RUNX1T1: variants seen among roughly 807,000 people sequenced by gnomAD.
RUNX1T1 encodes protein CBFA2T1.
In RUNX1T1, 4 loss-of-function variants were observed where a neutral mutation model predicts 62.8. The observed-to-expected ratio is 0.06, with a 90% CI of 0.03 to 0.15. The LOEUF (loss-of-function observed/expected upper bound fraction) is 0.15. Ranked by LOEUF, RUNX1T1 falls within the 10% of genes least tolerant of loss-of-function variation. The pLI is 1.00. For synonymous variants in RUNX1T1, 291 were observed against 286.0 expected, an observed-to-expected ratio of 1.02 and a Z score of -0.18; for missense variants, 508 against 754.3, an observed-to-expected ratio of 0.67 and a Z score of 3.82.
intron 1 of RUNX1T1, among the ~76,000 whole-genome samples, chr8:92,097,185 G>A (rs2130944640): frequency 6.6e-6 from 1 of 152,290 alleles, no homozygotes; most frequent in East Asian, 1.9e-4. Flanking sequence ...TGGTATCACT[G>A]AGACGAGAAC....
Position 92,034,817 on chromosome 8 carries a change from C to CATATATATAT in RUNX1T1, c.8-17455_8-17454insATATATATAT, listed in dbSNP as rs1563811300. On this transcript the variant is annotated intron_variant, in intron 1 of 10. Transcript: ENST00000396218. ...ATATATACACACACACACACACACACACACACACACACACACACACCATGG... is the reference window on the plus strand; with the variant it reads ...ATATATACACACACACACACACACACATATATATATACACACACACACACACACACCATGG... 1.4e-4 allele frequency among the ~76,000 whole-genome samples: 16 copies of CATATATATAT among 110,840 alleles called. 1 individual carries two copies. Among genetic ancestry groups the CATATATATAT allele is most frequent in the African/African-American group, 5.8e-4 (15 of 25,676 alleles). 72.7% of individuals were successfully genotyped at this position (110,840 alleles called of 152,430 possible).
At chr8:91,970,970 G>T in intron 9 of RUNX1T1, 122 bp from the exon 11 acceptor site, 1 of 733,364 alleles carries the variant, frequency 1.4e-6, no homozygotes, top group Non-Finnish European at 2.0e-6. Context: ...GAACCCCTGG[G>T]CTCAAGTTAT....
At chr8:92,085,757 A>C (rs1040695801) in intron 1 of RUNX1T1, among the ~76,000 whole-genome samples, 1 of 152,226 alleles carries the variant, frequency 6.6e-6, no homozygotes, top group East Asian at 1.9e-4. Context: ...ATATCCTAAA[A>C]GTCCTCACCC....
upstream of RUNX1T1, chr8:92,063,390 C>T (rs1248910683): frequency 6.6e-6 from 1 of 152,158 alleles, no homozygotes; most frequent in Non-Finnish European, 1.5e-5. Context: ...CATAGAGATC[C>T]ATGGGAGATA....
intron 8 of RUNX1T1, among the ~76,000 whole-genome samples, chr8:91,982,098 T>C (rs543931566): frequency 1.3e-5 from 2 of 151,480 alleles, no homozygotes; most frequent in African/African-American, 4.8e-5. Flanking sequence ...TACAAAAAAA[T>C]TAGCTGGGTG....
chr8:92,004,946 A>C (rs371419926), intron 5 of RUNX1T1, 170 bp downstream of exon 6: 1 of 593,500 alleles, frequency 1.7e-6, no homozygotes, highest in African/African-American at 1.9e-5. Context: ...GAGATTCAAA[A>C]CTCTGTAAAA....
At chr8:92,036,698 C>T (rs1827479632) in intron 1 of RUNX1T1, among the ~76,000 whole-genome samples, 3 of 152,166 alleles carry the variant, frequency 2.0e-5, no homozygotes, top group Admixed American at 2.0e-4. Context: ...AGAACAATAA[C>T]TTACTTGTAC....
At chr8:91,958,896 C>T (rs376611012), downstream of RUNX1T1, 8 of 194,694 alleles carry the variant, frequency 4.1e-5, no homozygotes, top group Non-Finnish European at 7.4e-5. Flanking sequence ...ATAGCAGCTC[C>T]GAAAGATAGC....
At chr8:92,089,122 G>A (rs1157775865) in intron 1 of RUNX1T1, among the ~76,000 whole-genome samples, 1 of 152,104 alleles carries the variant, frequency 6.6e-6, no homozygotes, top group Non-Finnish European at 1.5e-5. Context: ...AGCTTCCACT[G>A]TCATTTTGGA....
upstream of RUNX1T1, chr8:92,102,812 A>G: frequency 6.7e-7 from 1 of 1,486,168 alleles, no homozygotes. The surrounding 1 kb of genome is among the most constrained non-coding windows in gnomAD (Gnocchi z 4.5). Context: ...CAGGGGCCCG[A>G]CCCCGCCGCC....
At chr8:91,979,805 T>C in intron 8 of RUNX1T1, 1 of 529,874 alleles carries the variant, frequency 1.9e-6, no homozygotes, top group Non-Finnish European at 3.7e-6. Flanking sequence ...GGATACTAGA[T>C]ACTGCAAGGG....
intron 1 of RUNX1T1, among the ~76,000 whole-genome samples, chr8:92,092,359 T>C (rs181586706): frequency 1.5e-4 from 23 of 152,326 alleles, no homozygotes; most frequent in African/African-American, 5.1e-4. Context: ...GTGCTTTCCC[T>C]GTCCATAAAA....
upstream of RUNX1T1, chr8:92,063,654 T>G (rs753298945): frequency 3.9e-5 from 6 of 152,224 alleles, no homozygotes; most frequent in Non-Finnish European, 7.3e-5. Context: ...TTGTAAAACA[T>G]CCCTGCCTCA....
chr8:92,023,825 T>C (rs1824588715), intron 1 of RUNX1T1, among the ~76,000 whole-genome samples: 1 of 152,196 alleles, frequency 6.6e-6, no homozygotes, highest in Non-Finnish European at 1.5e-5. Flanking sequence ...TGTTCTTTCA[T>C]GAACTTGTAC....
intron 10 of RUNX1T1, among the ~76,000 whole-genome samples, chr8:91,967,469 A>G (rs1811891618): frequency 6.6e-6 from 1 of 151,016 alleles, no homozygotes; most frequent in African/African-American, 2.4e-5. Flanking sequence ...AATGTTCTCA[A>G]CTCCTCTCCT....
exon 11 of RUNX1T1, chr8:91,959,458 G>GTATATA (rs1563590337): frequency 2.9e-4 from 34 of 119,138 alleles, no homozygotes; most frequent in African/African-American, 2.5e-3. Flanking sequence ...GTGTGTGTGT[G>GTATATA]TGTGTGTGTA....
At chr8:91,989,133 C>A (rs1028140512) in intron 6 of RUNX1T1, among the ~76,000 whole-genome samples, 1 of 152,066 alleles carries the variant, frequency 6.6e-6, no homozygotes. Flanking sequence ...TTTTAACTAA[C>A]TAGGATAAAA....
At chr8:92,001,440 A>C (rs936972905) in intron 5 of RUNX1T1, among the ~76,000 whole-genome samples, 1 of 152,324 alleles carries the variant, frequency 6.6e-6, no homozygotes, top group South Asian at 2.1e-4. Flanking sequence ...ATAACTCTGA[A>C]GTTCAACCAA....
At position 91,975,029 on chromosome 8, in the gene RUNX1T1, A is replaced by T. The variant is rs573626132; in HGVS notation, c.1267+876T>A. Among the ~76,000 whole-genome samples the T allele has an allele frequency of 9.8e-5, 15 of 152,324 alleles. No homozygotes were observed. In the South Asian group the frequency reaches 2.1e-3, roughly 21 times the overall value. On this transcript the variant is annotated intron_variant, in intron 9 of 10. Transcript: ENST00000396218. The stretch of plus-strand genomic sequence containing the variant: ...AATTTGCACTGTTTGTAGAAGTAGC[A>T]TTTCCCAGTTTCCCAACTCAAAAAG...
Sources: gnomAD v4.1 joint callset for allele counts (sites outside exome capture counted in the v4.1 genomes callset) on GRCh38, gnomAD v4.1.1 for gene constraint, Gnocchi (gnomAD v3.1) non-coding constraint, MANE v1.5 for transcripts, NCBI Gene and HGNC (gene_info 2026-07-23, HGNC 2026-07-21) for gene names.